RNF17: variants seen among roughly 807,000 people sequenced by gnomAD.
The protein encoded by RNF17 is spermatogenesis associated 23.
Under a neutral mutation model 200.5 loss-of-function variants are expected in RNF17, and 31 were observed. The observed-to-expected ratio is 0.15, with a 90% CI of 0.12 to 0.21. The LOEUF (loss-of-function observed/expected upper bound fraction) is 0.21, where lower values mean the gene tolerates loss of function less well. Ranked by LOEUF, RNF17 falls within the 10% of genes least tolerant of loss-of-function variation. RNF17 has a pLI of 1.00. For synonymous variants in RNF17, 606 were observed against 637.8 expected, an observed-to-expected ratio of 0.95 and a Z score of 0.75; for missense variants, 1,628 against 1,905.1, an observed-to-expected ratio of 0.85 and a Z score of 2.71.
chr13:24,806,714 T>C (rs1024070547), intron 15 of RNF17, among the ~76,000 whole-genome samples: 1 of 151,804 alleles, frequency 6.6e-6, no homozygotes, highest in Non-Finnish European at 1.5e-5. Context: ...TAGTTACATA[T>C]GTATACATGT....
intron 10 of RNF17, among the ~76,000 whole-genome samples, chr13:24,794,765 C>T (rs562840786): frequency 6.6e-6 from 1 of 152,322 alleles, no homozygotes; most frequent in African/African-American, 2.4e-5. Flanking sequence ...CTGTGTTGCC[C>T]AGGCTGGAAT....
intron 15 of RNF17, among the ~76,000 whole-genome samples, chr13:24,816,942 T>G (rs565543688): frequency 6.6e-6 from 1 of 152,280 alleles, no homozygotes; most frequent in East Asian, 1.9e-4. Context: ...GGGGCAGAGC[T>G]AGAGTTCCTG....
chr13:24,786,268 C>T (rs1883095842), intron 6 of RNF17, among the ~76,000 whole-genome samples: 1 of 152,108 alleles, frequency 6.6e-6, no homozygotes, highest in Non-Finnish European at 1.5e-5. Context: ...TAGTAGACAG[C>T]TTAACTTTAG....
chr13:24,886,480 AAC>A, the RNF17 span: 3 of 587,336 alleles, frequency 5.1e-6, no homozygotes, highest in Non-Finnish European at 8.6e-6. Context: ...GATTCAATGT[AAC>A]TAATAGATCC....
the RNF17 span, among the ~76,000 whole-genome samples, chr13:24,752,858 C>T: frequency 6.6e-6 from 1 of 152,210 alleles, no homozygotes; most frequent in Non-Finnish European, 1.5e-5. Context: ...CTGCTTAGAC[C>T]TTTAGCCATT....
rs374343098 is a variant in RNF17, at chr13:24,870,660, A to G, written c.4368A>G (p.Glu1456=). Residue 1456 remains glutamate, a synonymous_variant, in exon 32 of 36, where the codon GAA becomes GAG. Transcript: ENST00000255324. ...TDDSGVSGES[E]SESLDEALQR... ...ATAGTGGAGTCAGCGGGGAATCAGA[A>G]TCCGAGAGCCTTGATGAAGCACTGC... 32 of 1,614,074 alleles carry G rather than the reference A, an allele frequency of 2.0e-5. 1 individual carries two copies. The highest frequency in any genetic ancestry group is 2.7e-5 in the African/African-American group (2 of 74,934).
upstream of RNF17, chr13:24,764,055 A>G (rs1200002270): frequency 1.0e-5 from 7 of 691,444 alleles, no homozygotes; most frequent in Non-Finnish European, 1.4e-5. Flanking sequence ...AAACAGCCCC[A>G]GCCCCATCAG....
chr13:24,817,358 A>G (rs1887526547), intron 15 of RNF17, among the ~76,000 whole-genome samples: 1 of 152,042 alleles, frequency 6.6e-6, no homozygotes, highest in African/African-American at 2.4e-5. Context: ...GTTTCTAGGA[A>G]TTTGTCCATT....
At chr13:24,866,975 G>A (rs2138369622) in intron 30 of RNF17, among the ~76,000 whole-genome samples, 1 of 152,288 alleles carries the variant, frequency 6.6e-6, no homozygotes, top group Middle Eastern at 3.4e-3. Flanking sequence ...TAGGCATGAA[G>A]TGGCATATCA....
chr13:24,811,108 C>T (rs1040425766), intron 15 of RNF17, among the ~76,000 whole-genome samples: 10 of 151,452 alleles, frequency 6.6e-5, no homozygotes, highest in African/African-American at 2.4e-4. Context: ...GTGAATCTGA[C>T]AATTATGTGT....
chr13:24,880,226 A>G (rs1953773681), downstream of RNF17, among the ~76,000 whole-genome samples: 1 of 152,196 alleles, frequency 6.6e-6, no homozygotes, highest in African/African-American at 2.4e-5. Context: ...CCTTCTTCAC[A>G]AGGTGGCAGG....
At chr13:24,835,411 C>T (rs574351715) in intron 18 of RNF17, among the ~76,000 whole-genome samples, 5 of 152,306 alleles carry the variant, frequency 3.3e-5, no homozygotes, top group East Asian at 1.9e-4. Context: ...AGAACCTTCA[C>T]AGCCCATTTC....
chr13:24,882,964 TA>T, downstream of RNF17: 1 of 566,534 alleles, frequency 1.8e-6, no homozygotes, highest in Non-Finnish European at 3.1e-6. Flanking sequence ...ATGCTTTCCT[TA>T]GTCTATTGAA....
At chr13:24,794,676 TAAATG>T (rs139670014) in intron 10 of RNF17, among the ~76,000 whole-genome samples, 31,331 of 151,688 alleles carry the variant, frequency 0.21, 3,217 homozygotes, top group Middle Eastern at 0.24. Flanking sequence ...TCATCTCAAA[TAAATG>T]AATGAATGAG....
Position 24,870,684 on chromosome 13 carries a change from G to T in RNF17, c.4392G>T (p.Leu1464=). ...ESESESLDEA[L]QRVNKKVEAL... is the part of the protein sequence containing the mutation. ...AATCCGAGAGCCTTGATGAAGCACT[G>T]CAGAGGGTTAATAAGAAGGTAGAGG... The change falls in exon 32 of 36, where the codon CTG becomes CTT. Residue 1464 remains leucine (L), a synonymous_variant. Transcript: ENST00000255324. 1 of 1,614,188 alleles carries T rather than the reference G, an allele frequency of 6.2e-7. No homozygotes were observed. Among genetic ancestry groups the T allele is most frequent in the Non-Finnish European group, 8.5e-7 (1 of 1,180,000 alleles).
In RNF17 at chr13:24,800,700, C is replaced by T. The variant is rs79239540; in HGVS notation, c.1758+166C>T. On this transcript the variant is annotated intron_variant, in intron 13 of 35. Coordinates refer to ENST00000255324, the MANE Select transcript of RNF17 (RefSeq NM_031277.3). ...TAGAAAAGGAAATGAACTTCGGCTT[C>T]CACAATTGAAAACATTTTTAATGGG... Among the ~76,000 whole-genome samples the T allele has an allele frequency of 5.3e-3, 810 of 152,222 alleles. 22 individuals are homozygous for T. In the East Asian group the frequency reaches 0.081, roughly 15 times the overall value.
chr13:24,768,468 TAG>T (rs1481809616), intron 2 of RNF17, among the ~76,000 whole-genome samples: 2 of 151,984 alleles, frequency 1.3e-5, no homozygotes, highest in Non-Finnish European at 2.9e-5. Flanking sequence ...GTATTTTTAA[TAG>T]AGAGGGGGTT....
chr13:24,749,364 G>A, the RNF17 span, among the ~76,000 whole-genome samples: 5 of 133,136 alleles, frequency 3.8e-5, no homozygotes, highest in Non-Finnish European at 7.7e-5. Flanking sequence ...GAGTGCTGTG[G>A]TGCTATCTCA....
intron 15 of RNF17, among the ~76,000 whole-genome samples, chr13:24,823,758 C>T (rs766191303): frequency 3.3e-5 from 5 of 152,162 alleles, no homozygotes; most frequent in Non-Finnish European, 5.9e-5. Flanking sequence ...GTCCTAATTT[C>T]GTAAAGATTC....
Sources: gnomAD v4.1 joint callset for allele counts (sites outside exome capture counted in the v4.1 genomes callset) on GRCh38, gnomAD v4.1.1 for gene constraint, MANE v1.5 for transcripts, NCBI Gene and HGNC (gene_info 2026-07-23, HGNC 2026-07-21) for gene names.